Variants in SLC9B2 observed in about 807,000 individuals in gnomAD.
SLC9B2 encodes the protein solute carrier family 9 member B2.
Under a neutral mutation model 52.2 loss-of-function variants are expected in SLC9B2, and 39 were observed. The ratio of observed to expected loss-of-function variants is 0.75; its 90% CI spans 0.58 to 0.98. The LOEUF (loss-of-function observed/expected upper bound fraction) is 0.98. Among genes scored for constraint, SLC9B2 ranks in the 50% least tolerant of loss-of-function variants. The pLI is 0.00. For synonymous variants in SLC9B2, 214 were observed against 227.0 expected, an observed-to-expected ratio of 0.94 and a Z score of 0.51; for missense variants, 626 against 637.5, an observed-to-expected ratio of 0.98 and a Z score of 0.19.
Position 103,067,611 on chromosome 4 carries a change from G to T in SLC9B2, c.-42-19C>A. The T allele has an allele frequency of 7.9e-7, 1 of 1,268,956 alleles. No homozygotes were observed. The highest frequency in any genetic ancestry group is 1.1e-6 in the Non-Finnish European group (1 of 873,348). 78.6% of individuals were successfully genotyped at this position (1,268,956 alleles called of 1,614,324 possible). A position where few individuals can be genotyped will look rare whatever the true frequency, so the allele number is the denominator to read the frequency against. On this transcript the variant is annotated intron_variant, in intron 1 of 11. Coordinates refer to ENST00000394785, the MANE Select transcript of SLC9B2 (RefSeq NM_178833.7). ...ACGAGATCTGTTTTGAAAGAGTATA[G>T]ATATAGAGCAGTAATTTGAAAGTCT...
At chr4:103,021,061 C>T (rs578156783), downstream of SLC9B2, among the ~76,000 whole-genome samples, 78 of 152,140 alleles carry the variant, frequency 5.1e-4, no homozygotes, top group Non-Finnish European at 7.5e-4. Flanking sequence ...GTTTTGTACT[C>T]ATGAAAAGGA....
At chr4:103,060,538 TTTG>T (rs1322541322) in intron 3 of SLC9B2, among the ~76,000 whole-genome samples, 33 of 121,726 alleles carry the variant, frequency 2.7e-4, no homozygotes, top group African/African-American at 1.1e-3. Flanking sequence ...GTTTTTTTTG[TTTG>T]TTTTTTTTTT....
At chr4:103,071,118 G>A (rs966414710) in intron 1 of SLC9B2, among the ~76,000 whole-genome samples, 4 of 151,876 alleles carry the variant, frequency 2.6e-5, no homozygotes, top group Non-Finnish European at 5.9e-5. Context: ...AAGAGGAGTG[G>A]CTGGACTTTC....
downstream of SLC9B2, chr4:103,019,540 A>G: frequency 1.0e-6 from 1 of 979,230 alleles, no homozygotes; most frequent in Non-Finnish European, 1.2e-6. Flanking sequence ...CGATCGCGGC[A>G]GACCCGGGAC....
In SLC9B2 at chr4:103,022,855, G is replaced by C. The variant is rs758348031; in HGVS notation, c.*3515C>G. 2.0e-5 allele frequency among the ~76,000 whole-genome samples: 3 copies of C among 152,156 alleles called. No individual in the cohort carries two copies. Among genetic ancestry groups the C allele is most frequent in the Non-Finnish European group, 4.4e-5 (3 of 68,030 alleles). ...CATGAGGGTAGGGCCCTCATGCTGT[G>C]ATTAGAGTACCCTTATAAGAAGAGA... On this transcript the variant is annotated 3_prime_UTR_variant, in exon 12 of 12. Coordinates refer to ENST00000394785, the MANE Select transcript of SLC9B2 (RefSeq NM_178833.7).
intron 4 of SLC9B2, among the ~76,000 whole-genome samples, chr4:103,051,446 A>G (rs557763164): frequency 6.6e-6 from 1 of 152,348 alleles, no homozygotes; most frequent in Non-Finnish European, 1.5e-5. Context: ...CCTGCTGCAC[A>G]TGAAAGCATC....
intron 1 of SLC9B2, among the ~76,000 whole-genome samples, chr4:103,075,683 C>G (rs1267573546): frequency 1.3e-5 from 2 of 152,122 alleles, no homozygotes; most frequent in African/African-American, 4.8e-5. Context: ...AGTAGCTTTT[C>G]TTTTTCTGTC....
intron 7 of SLC9B2, among the ~76,000 whole-genome samples, chr4:103,045,285 G>A (rs1469778799): frequency 6.6e-6 from 1 of 152,118 alleles, no homozygotes; most frequent in Non-Finnish European, 1.5e-5. Flanking sequence ...TAAGAAAAAT[G>A]TACTAACTGG....
rs1244644741 is a variant in SLC9B2, at chr4:103,025,345, A to C, written c.*1025T>G. 1 of 152,102 alleles carries C rather than the reference A, an allele frequency of 6.6e-6. No homozygotes were observed. The highest frequency in any genetic ancestry group is 1.5e-5 in the Non-Finnish European group (1 of 68,016). The allele number at this position is 152,102 out of a possible 1,614,324, so 9.4% of individuals were successfully genotyped here. A position where few individuals can be genotyped will look rare whatever the true frequency, so the allele number is the denominator to read the frequency against. The stretch of plus-strand genomic sequence containing the variant: ...GGTCATTGCCAAGGTCTGATTTTTC[A>C]CAAAAAATTTTTGCAACCTCTGGCA... On this transcript the variant is annotated 3_prime_UTR_variant, in exon 12 of 12. Transcript: ENST00000394785.
At position 103,055,929 on chromosome 4, in the gene SLC9B2, G is replaced by A. The variant is rs558134152; in HGVS notation, c.442+1872C>T. On this transcript the variant is annotated intron_variant, in intron 4 of 11. Coordinates refer to ENST00000394785, the MANE Select transcript of SLC9B2 (RefSeq NM_178833.7). ...CGCCATTCTCCTGCCTCAGCCTCCC[G>A]AGTAGCTGGGACTACAGGTGCCCGC... Among the ~76,000 whole-genome samples the A allele has an allele frequency of 4.0e-5, 6 of 148,338 alleles. No homozygotes were observed. In the South Asian group the frequency reaches 6.5e-4, roughly 16 times the overall value.
chr4:103,070,094 A>G (rs1327204302), intron 1 of SLC9B2, among the ~76,000 whole-genome samples: 1 of 152,226 alleles, frequency 6.6e-6, no homozygotes, highest in African/African-American at 2.4e-5. Context: ...ATAAAGGGTA[A>G]AATGAAATAC....
chr4:103,062,944 A>C (rs1370605987), intron 3 of SLC9B2, among the ~76,000 whole-genome samples: 1 of 152,192 alleles, frequency 6.6e-6, no homozygotes, highest in Non-Finnish European at 1.5e-5. Flanking sequence ...TATACTGCAT[A>C]GGCACAGGAA....
At chr4:103,029,602 A>T (rs1436368060) in intron 10 of SLC9B2, among the ~76,000 whole-genome samples, 1 of 152,144 alleles carries the variant, frequency 6.6e-6, no homozygotes, top group Non-Finnish European at 1.5e-5. Context: ...TACTCCATTT[A>T]GTCCTGTAGA....
intron 6 of SLC9B2, 148 bp from the exon 7 acceptor site, chr4:103,047,374 A>G (rs1402785665): frequency 1.2e-5 from 9 of 741,098 alleles, no homozygotes; most frequent in Non-Finnish European, 1.4e-5. Flanking sequence ...AACTTTAATA[A>G]GAATTGTTTT....
chr4:103,066,631 A>AAAAAACTC (rs1458137107), intron 2 of SLC9B2, 124 bp from the exon 3 acceptor site: 1 of 891,664 alleles, frequency 1.1e-6, no homozygotes, highest in Admixed American at 3.0e-5. Context: ...CACTTTGTAG[A>AAAAAACTC]AAAAACTCAC....
upstream of SLC9B2, chr4:103,077,287 A>G (rs1020461534): frequency 6.6e-6 from 1 of 152,196 alleles, no homozygotes; most frequent in African/African-American, 2.4e-5. Context: ...CCTATTGGAT[A>G]GGTTCCATCC....
intron 9 of SLC9B2, among the ~76,000 whole-genome samples, chr4:103,037,836 T>C (rs1283478125): frequency 6.6e-6 from 1 of 152,124 alleles, no homozygotes; most frequent in African/African-American, 2.4e-5. Flanking sequence ...ATTTAGTTTT[T>C]TGAGTATATT....
intron 1 of SLC9B2, among the ~76,000 whole-genome samples, chr4:103,069,404 T>C (rs1746424479): frequency 1.3e-5 from 2 of 152,362 alleles, no homozygotes; most frequent in Admixed American, 6.5e-5. Context: ...TGGATAAGCC[T>C]GAATTTGAAG....
rs1012725212 is a variant in SLC9B2 at position 103,028,598 on chromosome 4, G to A, written c.1392+149C>T. The A allele has an allele frequency of 4.2e-5, 41 of 987,748 alleles. 1 individual carries two copies. Among genetic ancestry groups the A allele is most frequent in the South Asian group, 1.9e-4 (10 of 51,624 alleles). The allele number at this position is 987,748 out of a possible 1,614,324, so 61.2% of individuals were successfully genotyped here. Reference sequence around the variant, plus strand: ...AGGAATGAATATACCAAAAATACAGGTTTTAAAGAATAGATTAGGATAAAC... The same window carrying A: ...AGGAATGAATATACCAAAAATACAGATTTTAAAGAATAGATTAGGATAAAC... On this transcript the variant is annotated intron_variant, in intron 11 of 11. Coordinates refer to ENST00000394785, the MANE Select transcript of SLC9B2 (RefSeq NM_178833.7).
Sources: gnomAD v4.1 joint callset for allele counts (sites outside exome capture counted in the v4.1 genomes callset) on GRCh38, gnomAD v4.1.1 for gene constraint, MANE v1.5 for transcripts, NCBI Gene and HGNC (gene_info 2026-07-23, HGNC 2026-07-21) for gene names.